The following DCC variants were observed in gnomAD, a reference collection of about 807,000 sequenced individuals.
The protein encoded by DCC is DCC netrin 1 receptor.
Under a neutral mutation model 172.5 loss-of-function variants are expected in DCC, and 58 were observed. That is an observed-to-expected ratio of 0.34 (90% CI 0.27 to 0.42). The LOEUF is 0.42. Ranked by LOEUF, DCC falls within the 10% of genes least tolerant of loss-of-function variation. The pLI is 1.00. For synonymous variants in DCC, 709 were observed against 644.5 expected, an observed-to-expected ratio of 1.10 and a Z score of -1.52; for missense variants, 1,740 against 1,791.0, an observed-to-expected ratio of 0.97 and a Z score of 0.51.
intron 12 of DCC, among the ~76,000 whole-genome samples, chr18:53,223,043 T>G (rs1031549690): frequency 6.6e-5 from 10 of 152,050 alleles, no homozygotes; most frequent in African/African-American, 2.4e-4. Flanking sequence ...ATAAAGGACA[T>G]TTATGCATAA....
intron 12 of DCC, among the ~76,000 whole-genome samples, chr18:53,279,624 G>A (rs536781662): frequency 1.1e-4 from 15 of 139,982 alleles, no homozygotes; most frequent in Non-Finnish European, 2.0e-4. Flanking sequence ...TTGTGCACCT[G>A]TACCCTAAAA....
At chr18:52,578,126 G>A (rs1282460858) in intron 1 of DCC, among the ~76,000 whole-genome samples, 1 of 152,130 alleles carries the variant, frequency 6.6e-6, no homozygotes, top group African/African-American at 2.4e-5. Context: ...CACATGGATG[G>A]CAGTATTTAG....
intron 25 of DCC, among the ~76,000 whole-genome samples, chr18:53,485,073 C>T (rs2045885720): frequency 6.6e-6 from 1 of 151,952 alleles, no homozygotes; most frequent in Admixed American, 6.6e-5. Flanking sequence ...ACCTAACCTA[C>T]AGCATGAGAA....
At chr18:52,764,952 A>G (rs1335224987) in intron 2 of DCC, among the ~76,000 whole-genome samples, 1 of 152,142 alleles carries the variant, frequency 6.6e-6, no homozygotes, top group African/African-American at 2.4e-5. Flanking sequence ...GAAGAATGAG[A>G]ACTCTTTCTG....
intron 1 of DCC, among the ~76,000 whole-genome samples, chr18:52,671,892 T>C (rs1238807554): frequency 6.6e-6 from 1 of 152,050 alleles, no homozygotes; most frequent in African/African-American, 2.4e-5. Flanking sequence ...GAAAAGGAAG[T>C]AAATACCCCA....
At chr18:53,435,332 G>A (rs1911870708) in intron 22 of DCC, 123 bp downstream of exon 22, 5 of 673,650 alleles carry the variant, frequency 7.4e-6, no homozygotes, top group East Asian at 2.7e-5. Context: ...GTGTCTTAGT[G>A]GGATAATAGA....
chr18:52,435,768 G>T (rs990781425), intron 1 of DCC, among the ~76,000 whole-genome samples: 2 of 152,162 alleles, frequency 1.3e-5, no homozygotes, highest in Non-Finnish European at 1.5e-5. Flanking sequence ...GCTGCCCCGT[G>T]TTGGGGCAGG....
chr18:53,227,777 T>C (rs1173422589), intron 12 of DCC, among the ~76,000 whole-genome samples: 2 of 152,192 alleles, frequency 1.3e-5, no homozygotes, highest in African/African-American at 2.4e-5. Context: ...CTTTTTTTTG[T>C]AGTAATGCAA....
chr18:52,481,689 G>T (rs191835490), intron 1 of DCC, among the ~76,000 whole-genome samples: 1 of 152,164 alleles, frequency 6.6e-6, no homozygotes, highest in East Asian at 1.9e-4. Flanking sequence ...TGAGGTTAAT[G>T]TTGGAACTCT....
chr18:52,505,914 TA>T (rs917358851), intron 1 of DCC, among the ~76,000 whole-genome samples: 12 of 152,176 alleles, frequency 7.9e-5, no homozygotes, highest in African/African-American at 2.9e-4. Context: ...TCAGTTGTGC[TA>T]AAAAAGGTCG....
At chr18:53,262,640 C>G (rs2056620179) in intron 12 of DCC, among the ~76,000 whole-genome samples, 1 of 152,118 alleles carries the variant, frequency 6.6e-6, no homozygotes, top group South Asian at 2.1e-4. Context: ...TAATGAAAAA[C>G]ACTGTTAAAT....
Position 53,450,524 on chromosome 18 carries a change from C to T in DCC, c.3254C>T (p.Pro1085Leu), listed in dbSNP as rs774695019. The change falls in exon 23 of 29, where the codon CCC becomes CTC. Residue 1085 changes from proline (P) to leucine (L), a missense_variant. Physicochemically the swap from Pro to Leu is moderately conservative, Grantham distance 98 (BLOSUM62 -3). This residue lies in a region of DCC where 1,732 missense variants were observed against 1,767.4 expected (regional missense o/e 0.98). Transcript: ENST00000442544. ...GAGCCGCCAATTGGACAAATGCACC[C>T]CCCGCATGGCAGTGTCACTCCTCAG... is the stretch of plus-strand genomic sequence containing the variant. ...LNEPPIGQMH[P>L]PHGSVTPQKN... 6.2e-7 allele frequency: 1 copy of T among 1,613,986 alleles called. No individual in the cohort carries two copies. The highest frequency in any genetic ancestry group is 8.5e-7 in the Non-Finnish European group (1 of 1,179,994).
intron 5 of DCC, among the ~76,000 whole-genome samples, chr18:53,017,050 C>T (rs1260165437): frequency 6.7e-6 from 1 of 148,852 alleles, no homozygotes; most frequent in Admixed American, 6.8e-5. Flanking sequence ...TGACATAAAT[C>T]ATGGTATGTT....
At chr18:52,923,458 T>G (rs953121362) in intron 3 of DCC, among the ~76,000 whole-genome samples, 1 of 152,108 alleles carries the variant, frequency 6.6e-6, no homozygotes, top group African/African-American at 2.4e-5. Context: ...TGCTTACTTA[T>G]GGGTAGCCTC....
At chr18:52,524,267 G>T (rs1191979341) in intron 1 of DCC, among the ~76,000 whole-genome samples, 1 of 152,110 alleles carries the variant, frequency 6.6e-6, no homozygotes, top group Non-Finnish European at 1.5e-5. Flanking sequence ...TCTCTCTCCA[G>T]CATGCTTTTA....
At position 53,450,593 on chromosome 18, in the gene DCC, T is replaced by C. The variant is rs2045397612; in HGVS notation, c.3323T>C (p.Val1108Ala). 6.2e-7 allele frequency: 1 copy of C among 1,612,462 alleles called. No individual in the cohort carries two copies. The highest frequency in any genetic ancestry group is 1.3e-5 in the African/African-American group (1 of 74,360). The stretch of plus-strand genomic sequence containing the variant: ...GTGATCATTGTGGTCACCGTTGGTG[T>C]CATCACAGTGCTGGTAGTGGTCATC... ...LLVIIVVTVG[V>A]ITVLVVVIVA... Residue 1108 changes from valine to alanine, a missense_variant, in exon 23 of 29, where the codon GTC becomes GCC. Val to Ala is a moderately conservative substitution (Grantham distance 64). Coordinates refer to ENST00000442544, the MANE Select transcript of DCC (RefSeq NM_005215.4).
intron 5 of DCC, among the ~76,000 whole-genome samples, chr18:53,045,929 T>G (rs2042232028): frequency 1.3e-5 from 2 of 151,880 alleles, no homozygotes. Flanking sequence ...AGGAAACCAT[T>G]CAAGTTTGTA....
At chr18:52,913,351 T>G (rs570926366) in intron 3 of DCC, among the ~76,000 whole-genome samples, 78 of 152,174 alleles carry the variant, frequency 5.1e-4, no homozygotes, top group Non-Finnish European at 8.5e-4. Context: ...TAAAACGTAA[T>G]TATTTATTTC....
intron 1 of DCC, among the ~76,000 whole-genome samples, chr18:52,686,842 T>C (rs546700223): frequency 6.6e-6 from 1 of 152,208 alleles, no homozygotes; most frequent in South Asian, 2.1e-4. Context: ...TGATCATATT[T>C]CTGCCAATCC....
Sources: allele counts gnomAD v4.1 joint callset (sites outside exome capture counted in the v4.1 genomes callset), GRCh38; gene constraint gnomAD v4.1.1; regional missense constraint gnomAD v4.1.1; transcripts MANE v1.5; gene names NCBI Gene and HGNC (gene_info 2026-07-23, HGNC 2026-07-21).